The following CNTNAP5 variants were observed in gnomAD, a reference collection of about 807,000 sequenced individuals.
CNTNAP5 encodes contactin associated protein family member 5.
CNTNAP5 carries 72 observed loss-of-function variants against 150.2 expected under a neutral mutation model. That is an observed-to-expected ratio of 0.48 (90% CI 0.40 to 0.58). The LOEUF (loss-of-function observed/expected upper bound fraction) is 0.58. CNTNAP5 is among the 20% of genes least tolerant of loss of function. CNTNAP5 has a pLI of 0.00. For missense variants in CNTNAP5, 1,636 were observed against 1,626.2 expected (o/e 1.01, Z -0.10); for synonymous variants, 672 against 619.8 (o/e 1.08, Z -1.25).
intron 10 of CNTNAP5, among the ~76,000 whole-genome samples, chr2:124,538,814 T>C (rs1410567440): frequency 6.6e-6 from 1 of 152,182 alleles, no homozygotes; most frequent in Non-Finnish European, 1.5e-5. Context: ...AGAACATTCA[T>C]AAATTAATGA....
chr2:124,054,957 G>T (rs1393885997), intron 1 of CNTNAP5, among the ~76,000 whole-genome samples: 1 of 152,172 alleles, frequency 6.6e-6, no homozygotes, highest in African/African-American at 2.4e-5. Context: ...TCCATGAATT[G>T]TGTCCCTAAC....
At chr2:124,115,736 T>C (rs1683413044) in intron 1 of CNTNAP5, among the ~76,000 whole-genome samples, 1 of 149,552 alleles carries the variant, frequency 6.7e-6, no homozygotes, top group Non-Finnish European at 1.5e-5. Context: ...TCAGCCTTGA[T>C]GCCTCAGCCT....
chr2:124,600,605 A>G (rs759862430), intron 11 of CNTNAP5, among the ~76,000 whole-genome samples: 71 of 152,276 alleles, frequency 4.7e-4, no homozygotes, highest in Non-Finnish European at 8.4e-4. Context: ...AAGGAAAGGA[A>G]TTCTGGTAAA....
At chr2:124,238,555 C>T (rs868128354) in intron 2 of CNTNAP5, among the ~76,000 whole-genome samples, 17 of 152,120 alleles carry the variant, frequency 1.1e-4, no homozygotes, top group Middle Eastern at 3.2e-3. Context: ...AGATTATTTT[C>T]TCTTTAAATG....
intron 1 of CNTNAP5, among the ~76,000 whole-genome samples, chr2:124,084,155 AT>A (rs1237403320): frequency 6.6e-6 from 1 of 151,916 alleles, no homozygotes; most frequent in Admixed American, 6.6e-5. Flanking sequence ...ATTTTATTTT[AT>A]TTTTATATGT....
At chr2:124,211,909 C>T (rs955624047) in intron 1 of CNTNAP5, among the ~76,000 whole-genome samples, 4 of 152,104 alleles carry the variant, frequency 2.6e-5, no homozygotes, top group South Asian at 2.1e-4. Flanking sequence ...TCCTGAGAAA[C>T]GAGGATTTTC....
At chr2:124,047,101 T>C (rs953783470) in intron 1 of CNTNAP5, among the ~76,000 whole-genome samples, 4 of 152,164 alleles carry the variant, frequency 2.6e-5, no homozygotes, top group African/African-American at 9.7e-5. Context: ...AGACAAGTGA[T>C]GAGGATGGCC....
intron 3 of CNTNAP5, among the ~76,000 whole-genome samples, chr2:124,279,703 C>A (rs1687967263): frequency 6.6e-6 from 1 of 152,100 alleles, no homozygotes; most frequent in Non-Finnish European, 1.5e-5. Flanking sequence ...ACCAATTACA[C>A]AGAATCTCTT....
At chr2:124,775,848 G>A (rs17011975) in intron 17 of CNTNAP5, among the ~76,000 whole-genome samples, 45,332 of 151,908 alleles carry the variant, frequency 0.3, 7,438 homozygotes, top group African/African-American at 0.43. Flanking sequence ...CAATAGTACC[G>A]CCCCTTCTGC....
chr2:124,872,881 A>G lies in CNTNAP5; in HGVS notation c.3436+3119A>G, dbSNP rs182772004. Among the ~76,000 whole-genome samples, 219 of 152,180 alleles carry G rather than the reference A, an allele frequency of 1.4e-3. 1 individual carries two copies. Among genetic ancestry groups the G allele is most frequent in the African/African-American group, 4.9e-3 (205 of 41,538 alleles). On this transcript the variant is annotated intron_variant, in intron 21 of 23. Coordinates refer to ENST00000682447, the MANE Select transcript of CNTNAP5 (RefSeq NM_001367498.1). ...CTTCACACTTTTAGCTAAGCCAACA[A>G]TAAGGCTGGTGAATTGAAACTTTAC... is the stretch of plus-strand genomic sequence containing the variant.
At chr2:124,836,135 A>G (rs972750977) in intron 19 of CNTNAP5, among the ~76,000 whole-genome samples, 3 of 152,160 alleles carry the variant, frequency 2.0e-5, no homozygotes, top group Non-Finnish European at 4.4e-5. Context: ...ACACTGGAGA[A>G]AAGATAGGAT....
intron 3 of CNTNAP5, among the ~76,000 whole-genome samples, chr2:124,398,375 C>T (rs184900690): frequency 1.4e-4 from 22 of 152,218 alleles, no homozygotes; most frequent in African/African-American, 4.1e-4. Context: ...TTTGGGGGAA[C>T]ATCTCGCAGT....
chr2:124,580,596 C>A (rs1465573244), intron 11 of CNTNAP5, among the ~76,000 whole-genome samples: 1 of 152,200 alleles, frequency 6.6e-6, no homozygotes, highest in Non-Finnish European at 1.5e-5. Flanking sequence ...TACAGTTTTT[C>A]TTTTAACAAG....
chr2:124,782,489 TA>T (rs1366831504), intron 17 of CNTNAP5, among the ~76,000 whole-genome samples: 1 of 152,172 alleles, frequency 6.6e-6, no homozygotes, highest in Non-Finnish European at 1.5e-5. Context: ...GAACCCAGTA[TA>T]GGGGAGGCTT....
intron 1 of CNTNAP5, among the ~76,000 whole-genome samples, chr2:124,068,096 C>A (rs1008389907): frequency 7.3e-6 from 1 of 137,334 alleles, no homozygotes; most frequent in African/African-American, 2.6e-5. Context: ...TTTTAACTAT[C>A]TGCATACACA....
intron 1 of CNTNAP5, among the ~76,000 whole-genome samples, chr2:124,101,785 G>A (rs1193133355): frequency 1.3e-5 from 2 of 152,202 alleles, no homozygotes; most frequent in Non-Finnish European, 2.9e-5. Flanking sequence ...GACAGAGACT[G>A]CAATTCAATG....
At chr2:124,297,811 T>TA (rs1173193729) in intron 3 of CNTNAP5, among the ~76,000 whole-genome samples, 1 of 14,684 alleles carries the variant, frequency 6.8e-5, no homozygotes, top group Non-Finnish European at 1.2e-4. Flanking sequence ...ATCCAATTAT[T>TA]TATTATTATT....
At chr2:124,775,628 G>T (rs969118731) in intron 17 of CNTNAP5, among the ~76,000 whole-genome samples, 1 of 152,148 alleles carries the variant, frequency 6.6e-6, no homozygotes, top group East Asian at 1.9e-4. Flanking sequence ...AATGTGACAG[G>T]TTGAAGTGCT....
intron 17 of CNTNAP5, 68 bp downstream of exon 17, chr2:124,773,085 A>G: frequency 8.0e-7 from 1 of 1,246,158 alleles, no homozygotes; most frequent in Non-Finnish European, 1.2e-6. Flanking sequence ...ATGCCCAAGA[A>G]AAAATTCTCT....
Sources: allele counts gnomAD v4.1 joint callset (sites outside exome capture counted in the v4.1 genomes callset), GRCh38; gene constraint gnomAD v4.1.1; transcripts MANE v1.5; gene names NCBI Gene and HGNC (gene_info 2026-07-23, HGNC 2026-07-21).